Variants in IGF1R observed in about 807,000 individuals in gnomAD.
The protein encoded by IGF1R is insulin-like growth factor 1 receptor.
IGF1R carries 44 observed loss-of-function variants against 144.6 expected under a neutral mutation model. The ratio of observed to expected loss-of-function variants is 0.30; its 90% CI spans 0.24 to 0.39. The LOEUF (loss-of-function observed/expected upper bound fraction) is 0.39, where lower values mean the gene tolerates loss of function less well. Ranked by LOEUF, IGF1R falls within the 10% of genes least tolerant of loss-of-function variation. The probability of loss-of-function intolerance (pLI) is 1.00; values close to 1 mark genes in which losing one functional copy is unlikely to be tolerated. For missense variants in IGF1R, 1,355 were observed against 1,833.7 expected, an observed-to-expected ratio of 0.74 and a Z score of 4.77; for synonymous variants, 795 against 722.8, an observed-to-expected ratio of 1.10 and a Z score of -1.60.
Position 98,922,224 on chromosome 15 carries a change from G to A in IGF1R, c.2278G>A (p.Ala760Thr), listed in dbSNP as rs70958396. The A allele has an allele frequency of 1.2e-5, 20 of 1,614,060 alleles. No homozygotes were observed. The highest frequency in any genetic ancestry group is 8.9e-5 in the East Asian group (4 of 44,898). The change falls in exon 11 of 21, where the codon GCA becomes ACA. Residue 760 changes from alanine to threonine, a missense_variant. This residue lies in a region of IGF1R where 880 missense variants were observed against 1,202.7 expected (regional missense o/e 0.73). Coordinates refer to ENST00000650285, the MANE Select transcript of IGF1R (RefSeq NM_000875.5). ...MSSRSRNTTAADTYNITDPEE... is the reference protein window; with the variant it reads ...MSSRSRNTTATDTYNITDPEE... ...CAGCCGAAGCAGGAACACCACGGCC[G>A]CAGACACCTACAACATCACCGACCC...
chr15:98,667,709 G>A (rs1361686306), intron 1 of IGF1R, among the ~76,000 whole-genome samples: 5 of 152,268 alleles, frequency 3.3e-5, no homozygotes, highest in African/African-American at 4.8e-5. Flanking sequence ...TCTCTGTCCC[G>A]CCCGGGGGAG....
chr15:98,739,896 G>C (rs2054699473), intron 2 of IGF1R, among the ~76,000 whole-genome samples: 1 of 152,194 alleles, frequency 6.6e-6, no homozygotes. Flanking sequence ...CTGGCCTGCT[G>C]TAAGAAAATA....
chr15:98,732,690 C>T (rs1205865290), intron 2 of IGF1R, among the ~76,000 whole-genome samples: 1 of 152,140 alleles, frequency 6.6e-6, no homozygotes, highest in Non-Finnish European at 1.5e-5. Flanking sequence ...AGAAGATGAC[C>T]ACCCTTGCCA....
intron 2 of IGF1R, among the ~76,000 whole-genome samples, chr15:98,846,204 CT>C (rs2011321454): frequency 1.3e-5 from 2 of 152,102 alleles, no homozygotes; most frequent in African/African-American, 4.8e-5. Context: ...TTGCATAAGC[CT>C]GCATAAAAAG....
intron 2 of IGF1R, among the ~76,000 whole-genome samples, chr15:98,889,693 G>A (rs2013812621): frequency 6.6e-6 from 1 of 152,132 alleles, no homozygotes; most frequent in South Asian, 2.1e-4. Context: ...GGGAAGGTCT[G>A]CTTGAAGATA....
At chr15:98,786,987 T>A (rs919824709) in intron 2 of IGF1R, among the ~76,000 whole-genome samples, 4 of 152,194 alleles carry the variant, frequency 2.6e-5, no homozygotes, top group African/African-American at 7.2e-5. Flanking sequence ...ATAGCACTAT[T>A]TCTGGTTGGT....
intron 2 of IGF1R, among the ~76,000 whole-genome samples, chr15:98,778,112 A>G (rs2055765259): frequency 1.3e-5 from 2 of 152,182 alleles, no homozygotes; most frequent in Admixed American, 6.5e-5. Flanking sequence ...GAAATAGGTA[A>G]TTATGTCCTG....
At chr15:98,712,076 A>C (rs1332434410) in intron 2 of IGF1R, among the ~76,000 whole-genome samples, 1 of 152,064 alleles carries the variant, frequency 6.6e-6, no homozygotes, top group African/African-American at 2.4e-5. Flanking sequence ...TCAACATAAG[A>C]ATTTTGAGGG....
intron 2 of IGF1R, among the ~76,000 whole-genome samples, chr15:98,766,287 T>G (rs895555913): frequency 2.6e-5 from 4 of 152,176 alleles, no homozygotes; most frequent in African/African-American, 9.7e-5. Context: ...TCCATAAGGT[T>G]TTTCAAATCC....
At chr15:98,651,583 G>C (rs1171095759) in intron 1 of IGF1R, among the ~76,000 whole-genome samples, 1 of 152,250 alleles carries the variant, frequency 6.6e-6, no homozygotes, top group East Asian at 1.9e-4. Flanking sequence ...ATTCAAAACA[G>C]CAGGGATGGC....
At chr15:98,661,892 T>G in intron 1 of IGF1R, among the ~76,000 whole-genome samples, 1 of 151,528 alleles carries the variant, frequency 6.6e-6, no homozygotes, top group Non-Finnish European at 1.5e-5. Flanking sequence ...TGGTGGGCTC[T>G]CTCTGGGGCC....
At chr15:98,932,607 A>C (rs2015987655) in intron 15 of IGF1R, among the ~76,000 whole-genome samples, 1 of 152,222 alleles carries the variant, frequency 6.6e-6, no homozygotes, top group Non-Finnish European at 1.5e-5. Flanking sequence ...GATTAAAAGC[A>C]AGCCTGGATT....
In IGF1R at chr15:98,964,420, A is replaced by G; in HGVS notation, c.*6978A>G. 4.4e-6 allele frequency: 1 copy of G among 227,816 alleles called. No homozygotes were observed. The allele number at this position is 227,816 out of a possible 1,614,324, so 14.1% of individuals were successfully genotyped here. On this transcript the variant is annotated 3_prime_UTR_variant, in exon 21 of 21. Transcript: ENST00000650285. ...GGATTCTTTACATAATGGAAAAAAG[A>G]AACTGTCTATTTTGAATGGCTGAAG...
chr15:98,696,255 G>C (rs2053595510), intron 1 of IGF1R, among the ~76,000 whole-genome samples: 1 of 152,046 alleles, frequency 6.6e-6, no homozygotes, highest in African/African-American at 2.4e-5. Context: ...CTGGAAACTT[G>C]TCATCTTTGA....
At chr15:98,664,235 C>T (rs1261105834) in intron 1 of IGF1R, among the ~76,000 whole-genome samples, 1 of 152,084 alleles carries the variant, frequency 6.6e-6, no homozygotes, top group African/African-American at 2.4e-5. Context: ...TCTCCCTTTT[C>T]CCCCCAGTCT....
At position 98,934,827 on chromosome 15, in the gene IGF1R, A is replaced by G; in HGVS notation, c.2960A>G (p.Tyr987Cys). The change falls in exon 16 of 21, where the codon TAC (tyrosine) becomes TGC (cysteine). Residue 987 changes from tyrosine (Y) to cysteine (C), a missense_variant. Tyr to Cys is a radical substitution (Grantham distance 194, BLOSUM62 -2). Around this residue, in one of 7 missense-constraint regions of IGF1R, gnomAD observed 880 missense variants for 1,202.7 expected, o/e 0.73. Transcript: ENST00000650285. ...TTAATTACGGTTTCTTCTCCAGTGT[A>G]CGTTCCTGATGAGTGGGAGGTGGCT... is the stretch of plus-strand genomic sequence containing the variant. ...NPEYFSAADVYVPDEWEVARE... is the reference protein window; with the variant it reads ...NPEYFSAADVCVPDEWEVARE... The G allele has an allele frequency of 6.2e-7, 1 of 1,613,786 alleles. No individual in the cohort carries two copies.
chr15:98,924,579 C>T lies in IGF1R; in HGVS notation c.2677C>T (p.Leu893=). The stretch of plus-strand genomic sequence containing the variant: ...ATACAGGAAGTATGGAGGGGCCAAG[C>T]TAAACCGGCTAAACCCGGGGAACTA... ...QEYRKYGGAK[L]NRLNPGNYTA... The change falls in exon 13 of 21, where the codon CTA becomes TTA. Residue 893 remains leucine, a synonymous_variant. Coordinates refer to ENST00000650285, the MANE Select transcript of IGF1R (RefSeq NM_000875.5). The T allele has an allele frequency of 6.2e-7, 1 of 1,614,072 alleles. No individual in the cohort carries two copies. The highest frequency in any genetic ancestry group is 1.1e-5 in the South Asian group (1 of 91,076).
intron 1 of IGF1R, among the ~76,000 whole-genome samples, chr15:98,660,934 G>A (rs2052583978): frequency 6.6e-6 from 1 of 152,146 alleles, no homozygotes; most frequent in African/African-American, 2.4e-5. Context: ...GGTGGTCTCC[G>A]GAGTGGCCTG....
intron 1 of IGF1R, among the ~76,000 whole-genome samples, chr15:98,699,089 G>A (rs954200104): frequency 3.9e-5 from 6 of 152,212 alleles, no homozygotes; most frequent in Non-Finnish European, 4.4e-5. Flanking sequence ...TGAAAGTCAC[G>A]AGAGAGAGGG....
Sources: gnomAD v4.1 joint callset for allele counts (sites outside exome capture counted in the v4.1 genomes callset) on GRCh38, gnomAD v4.1.1 for gene constraint, gnomAD v4.1.1 regional missense constraint, MANE v1.5 for transcripts, NCBI Gene and HGNC (gene_info 2026-07-23, HGNC 2026-07-21) for gene names.